The following CACNA2D1 variants were observed in gnomAD, a reference collection of about 807,000 sequenced individuals.
The protein encoded by CACNA2D1 is voltage-dependent calcium channel subunit alpha-2/delta-1.
CACNA2D1 carries 53 observed loss-of-function variants against 171.5 expected under a neutral mutation model. The observed-to-expected ratio is 0.31, with a 90% CI of 0.25 to 0.39. The LOEUF (loss-of-function observed/expected upper bound fraction) is 0.39. Ranked by LOEUF, CACNA2D1 falls within the 10% of genes least tolerant of loss-of-function variation. The probability of loss-of-function intolerance (pLI) is 1.00; values close to 1 mark genes in which losing one functional copy is unlikely to be tolerated. For missense variants in CACNA2D1, 903 were observed against 1,299.8 expected (o/e 0.69, Z 4.69); for synonymous variants, 442 against 443.1 (o/e 1.00, Z 0.03).
chr7:82,104,304 G>A (rs1217098027), intron 6 of CACNA2D1, among the ~76,000 whole-genome samples: 1 of 151,946 alleles, frequency 6.6e-6, no homozygotes, highest in Admixed American at 6.6e-5. Flanking sequence ...TCATTAGACA[G>A]ACTAAACAAA....
intron 4 of CACNA2D1, among the ~76,000 whole-genome samples, chr7:82,146,389 T>C (rs976454503): frequency 2.9e-5 from 4 of 137,936 alleles, no homozygotes; most frequent in Non-Finnish European, 6.5e-5. Context: ...TTTATATTTA[T>C]ATATATAAAG....
chr7:82,359,102 T>C (rs993552164), intron 1 of CACNA2D1, among the ~76,000 whole-genome samples: 8 of 152,150 alleles, frequency 5.3e-5, no homozygotes, highest in Admixed American at 2.0e-4. Context: ...CCGGGTAGCC[T>C]GATGCCAGCC....
chr7:82,298,768 A>G (rs1039995046), intron 3 of CACNA2D1, among the ~76,000 whole-genome samples: 2 of 152,110 alleles, frequency 1.3e-5, no homozygotes, highest in African/African-American at 4.8e-5. Flanking sequence ...AATTCAATTA[A>G]TAAGTAAAAA....
intron 7 of CACNA2D1, among the ~76,000 whole-genome samples, chr7:82,067,374 C>A (rs926344511): frequency 6.6e-6 from 1 of 152,118 alleles, no homozygotes; most frequent in Non-Finnish European, 1.5e-5. Flanking sequence ...ATATGACTTA[C>A]GTTCCCCAAT....
chr7:81,951,637 C>G (rs1393933588), intron 38 of CACNA2D1, among the ~76,000 whole-genome samples: 2 of 152,046 alleles, frequency 1.3e-5, no homozygotes, highest in East Asian at 1.9e-4. Context: ...AAAATGGTCT[C>G]CAACTCCATC....
intron 5 of CACNA2D1, among the ~76,000 whole-genome samples, chr7:82,126,538 A>G (rs1260228258): frequency 6.6e-6 from 1 of 152,222 alleles, no homozygotes; most frequent in Non-Finnish European, 1.5e-5. Context: ...TATATGTAGA[A>G]TAAGAAAGTG....
Position 81,961,941 on chromosome 7 carries a change from G to A in CACNA2D1, c.2919C>T (p.Asn973=), listed in dbSNP as rs374073497. ...ITEQTQYFFD[N]DSKSFSGVLD... ...ATACACCACTGAATGATTTACTGTCGTTATCGAAGAAATACTGGGTTTGTT... is the reference window on the plus strand; with the variant it reads ...ATACACCACTGAATGATTTACTGTCATTATCGAAGAAATACTGGGTTTGTT... The change falls in exon 36 of 39, where the codon AAC becomes AAT. Residue 973 remains asparagine, a synonymous_variant. Transcript: ENST00000356860. The A allele has an allele frequency of 1.1e-4, 171 of 1,610,816 alleles. 1 individual carries two copies. Among genetic ancestry groups the A allele is most frequent in the African/African-American group, 2.0e-4 (15 of 74,724 alleles).
At chr7:81,963,442 GA>G (rs113142209) in intron 34 of CACNA2D1, among the ~76,000 whole-genome samples, 56 of 151,924 alleles carry the variant, frequency 3.7e-4, no homozygotes, top group Admixed American at 9.9e-4. Context: ...TAAACAATGA[GA>G]AATGTGATCT....
At chr7:82,016,982 C>T (rs1426883308) in intron 12 of CACNA2D1, among the ~76,000 whole-genome samples, 1 of 152,062 alleles carries the variant, frequency 6.6e-6, no homozygotes, top group Non-Finnish European at 1.5e-5. Context: ...CAAGTGTTTA[C>T]TAAAATCCTA....
intron 1 of CACNA2D1, among the ~76,000 whole-genome samples, chr7:82,418,242 G>A (rs920865814): frequency 6.6e-6 from 1 of 152,054 alleles, no homozygotes; most frequent in African/African-American, 2.4e-5. Flanking sequence ...AGAATAGGAT[G>A]GGAGAAACCA....
At chr7:82,425,023 G>T (rs1411185036) in intron 1 of CACNA2D1, among the ~76,000 whole-genome samples, 1 of 152,166 alleles carries the variant, frequency 6.6e-6, no homozygotes, top group Non-Finnish European at 1.5e-5. Context: ...GAGTGTGAGT[G>T]GGGACCATGA....
intron 3 of CACNA2D1, among the ~76,000 whole-genome samples, chr7:82,173,157 A>G (rs897830202): frequency 7.9e-5 from 12 of 152,100 alleles, no homozygotes; most frequent in African/African-American, 2.2e-4. Context: ...CATGTTTAGT[A>G]AGTTATAGTG....
chr7:82,194,165 T>G (rs6976975), intron 3 of CACNA2D1, among the ~76,000 whole-genome samples: 4,590 of 152,142 alleles, frequency 0.03, 229 homozygotes, highest in African/African-American at 0.1. Context: ...CATGAGCCAG[T>G]GACAGAGTGT....
chr7:82,390,503 G>A (rs1484300727), intron 1 of CACNA2D1, among the ~76,000 whole-genome samples: 1 of 152,116 alleles, frequency 6.6e-6, no homozygotes, highest in African/African-American at 2.4e-5. Context: ...ATTTCTTAAG[G>A]CAAATCTTAA....
intron 4 of CACNA2D1, among the ~76,000 whole-genome samples, chr7:82,167,740 T>C (rs998906669): frequency 1.3e-5 from 2 of 152,116 alleles, no homozygotes; most frequent in Non-Finnish European, 2.9e-5. Context: ...GACAGGACTC[T>C]AAGTGGTCTA....
At chr7:82,111,428 G>GTATATATGTGTGTGTGTA (rs1584787281) in intron 6 of CACNA2D1, among the ~76,000 whole-genome samples, 4 of 50,398 alleles carry the variant, frequency 7.9e-5, no homozygotes, top group Admixed American at 4.6e-4. Flanking sequence ...ATATATGTGT[G>GTATATATGTGTGTGTGTA]TATATATATA....
At chr7:82,151,176 A>T (rs910527570) in intron 4 of CACNA2D1, among the ~76,000 whole-genome samples, 2 of 152,208 alleles carry the variant, frequency 1.3e-5, no homozygotes, top group African/African-American at 4.8e-5. Flanking sequence ...CAAATTTAAA[A>T]GAAAAAAGTA....
At chr7:82,032,483 C>T (rs1389555838) in intron 12 of CACNA2D1, among the ~76,000 whole-genome samples, 1 of 151,426 alleles carries the variant, frequency 6.6e-6, no homozygotes, top group African/African-American at 2.4e-5. Flanking sequence ...TAAAATTTTT[C>T]CTATTTTACC....
Position 82,175,046 on chromosome 7 carries a change from C to T in CACNA2D1, c.295-4437G>A, listed in dbSNP as rs554152260. Among the ~76,000 whole-genome samples the T allele has an allele frequency of 1.6e-4, 25 of 151,862 alleles. No homozygotes were observed. The South Asian group carries it at 4.8e-3, about 29-fold the overall frequency. On this transcript the variant is annotated intron_variant, in intron 3 of 38. Coordinates refer to ENST00000356860, the MANE Select transcript of CACNA2D1 (RefSeq NM_000722.4). ...TAATTCTACTATCCTAATCAATATC[C>T]ACATATATTTTTCCAAAAAAAAGAC...
Sources: gnomAD v4.1 joint callset for allele counts (sites outside exome capture counted in the v4.1 genomes callset) on GRCh38, gnomAD v4.1.1 for gene constraint, MANE v1.5 for transcripts, NCBI Gene and HGNC (gene_info 2026-07-23, HGNC 2026-07-21) for gene names.